The following SGCZ variants were observed in gnomAD, a reference collection of about 807,000 sequenced individuals.
SGCZ encodes the protein zeta-sarcoglycan.
Under a neutral mutation model 41.3 loss-of-function variants are expected in SGCZ, and 40 were observed. That is an observed-to-expected ratio of 0.97 (90% confidence interval 0.75 to 1.26). The LOEUF (loss-of-function observed/expected upper bound fraction) is 1.26, where lower values mean the gene tolerates loss of function less well. SGCZ is among the 50% of genes most tolerant of loss of function. The probability of loss-of-function intolerance (pLI) is 0.00; values close to 1 mark genes in which losing one functional copy is unlikely to be tolerated. For synonymous variants in SGCZ, 206 were observed against 137.5 expected, an observed-to-expected ratio of 1.50 and a Z score of -3.49; for missense variants, 552 against 369.8, an observed-to-expected ratio of 1.49 and a Z score of -4.04.
chr8:15,237,655 G>C lies in SGCZ; in HGVS notation c.-32C>G, dbSNP rs767593799. The C allele has an allele frequency of 1.9e-6, 3 of 1,570,702 alleles. No homozygotes were observed. Among genetic ancestry groups the C allele is most frequent in the African/African-American group, 1.4e-5 (1 of 74,004 alleles). On this transcript the variant is annotated 5_prime_UTR_variant, in exon 1 of 8. Transcript: ENST00000382080. ...CAACTAAACGAAGTGGAGAGGAACC[G>C]GGCGAGTGGCACCCAAAAACAATCT...
At chr8:14,496,042 G>C (rs1173378333) in intron 2 of SGCZ, among the ~76,000 whole-genome samples, 1 of 152,042 alleles carries the variant, frequency 6.6e-6, no homozygotes, top group African/African-American at 2.4e-5. Flanking sequence ...AAATTGGAAA[G>C]ATCGTGTGGT....
intron 2 of SGCZ, among the ~76,000 whole-genome samples, chr8:14,429,499 C>G (rs937053878): frequency 6.6e-6 from 1 of 152,192 alleles, no homozygotes; most frequent in Non-Finnish European, 1.5e-5. Context: ...AAGAGTCAAC[C>G]AGATCACATA....
intron 1 of SGCZ, among the ~76,000 whole-genome samples, chr8:14,802,971 T>G (rs1008877350): frequency 2.0e-5 from 3 of 152,202 alleles, no homozygotes; most frequent in African/African-American, 7.2e-5. Flanking sequence ...TGTTTGTAGA[T>G]AGCAGACAGC....
chr8:15,031,546 A>G (rs954260040), intron 1 of SGCZ, among the ~76,000 whole-genome samples: 1 of 152,188 alleles, frequency 6.6e-6, no homozygotes, highest in Admixed American at 6.5e-5. Context: ...CAATCCTCAC[A>G]ACAACCCTGT....
intron 2 of SGCZ, among the ~76,000 whole-genome samples, chr8:14,409,028 C>G (rs1417204711): frequency 6.6e-6 from 1 of 150,956 alleles, no homozygotes; most frequent in African/African-American, 2.4e-5. Context: ...ACTAGGTTTT[C>G]AGTTCCAGGA....
At chr8:14,767,839 A>T (rs572286622) in intron 1 of SGCZ, among the ~76,000 whole-genome samples, 1 of 152,322 alleles carries the variant, frequency 6.6e-6, no homozygotes, top group African/African-American at 2.4e-5. Flanking sequence ...ACTCAATTTA[A>T]TTCATATTTA....
chr8:14,680,615 G>A (rs1426070687), intron 1 of SGCZ, among the ~76,000 whole-genome samples: 1 of 151,278 alleles, frequency 6.6e-6, no homozygotes, highest in South Asian at 2.1e-4. Flanking sequence ...TAAATACACT[G>A]CATATATTCC....
intron 1 of SGCZ, among the ~76,000 whole-genome samples, chr8:15,190,127 G>A (rs1800484894): frequency 6.6e-6 from 1 of 152,100 alleles, no homozygotes; most frequent in Admixed American, 6.5e-5. Context: ...TGCTTTACCT[G>A]AAATTCTCCT....
rs145189697 is a variant in SGCZ, at chr8:14,523,278, T to C, written c.234+31454A>G. Among the ~76,000 whole-genome samples, 43 of 152,134 alleles carry C rather than the reference T, an allele frequency of 2.8e-4. No homozygotes were observed. In the East Asian group the frequency reaches 7.5e-3, roughly 27 times the overall value. On this transcript the variant is annotated intron_variant, in intron 2 of 7. Transcript: ENST00000382080. ...ACAGTGTTCATTCTTACTCTTGATA[T>C]TTTCATTTCCCTTTTATTATTTTAT... is the stretch of plus-strand genomic sequence containing the variant.
At chr8:14,187,518 T>C (rs1804944664) in intron 4 of SGCZ, among the ~76,000 whole-genome samples, 1 of 151,998 alleles carries the variant, frequency 6.6e-6, no homozygotes, top group Non-Finnish European at 1.5e-5. Context: ...TCAACAAAGA[T>C]ATAGGAATTA....
At chr8:14,396,043 A>T (rs1238743788) in intron 2 of SGCZ, among the ~76,000 whole-genome samples, 1 of 152,128 alleles carries the variant, frequency 6.6e-6, no homozygotes, top group Non-Finnish European at 1.5e-5. Flanking sequence ...TACAAAAGAA[A>T]TCATTTTTAA....
At chr8:14,246,364 C>T (rs1387437290) in intron 3 of SGCZ, among the ~76,000 whole-genome samples, 26 of 151,548 alleles carry the variant, frequency 1.7e-4, no homozygotes, top group Admixed American at 1.7e-3. Context: ...CCAATCACTG[C>T]ATGTTCTCAC....
At chr8:14,156,158 A>G (rs1803869628) in intron 5 of SGCZ, among the ~76,000 whole-genome samples, 1 of 152,110 alleles carries the variant, frequency 6.6e-6, no homozygotes, top group Non-Finnish European at 1.5e-5. Flanking sequence ...CATAGAGGCG[A>G]CGCTGAATTT....
chr8:14,854,021 T>TTATATTTA (rs1554512086), intron 1 of SGCZ, among the ~76,000 whole-genome samples: 1 of 107,672 alleles, frequency 9.3e-6, no homozygotes, highest in East Asian at 2.9e-4. Context: ...TGTGATTATA[T>TTATATTTA]TATATATATA....
chr8:14,312,615 G>A (rs1244717460), intron 3 of SGCZ, among the ~76,000 whole-genome samples: 1 of 151,774 alleles, frequency 6.6e-6, no homozygotes, highest in African/African-American at 2.4e-5. Flanking sequence ...AGACAACATA[G>A]CTAGACTCTG....
chr8:14,777,483 G>T (rs1469639423), intron 1 of SGCZ, among the ~76,000 whole-genome samples: 1 of 152,154 alleles, frequency 6.6e-6, no homozygotes, highest in Non-Finnish European at 1.5e-5. Context: ...AATATCTTTA[G>T]TAGAAATCCA....
chr8:14,991,819 C>T (rs1292290749), intron 1 of SGCZ, among the ~76,000 whole-genome samples: 1 of 151,086 alleles, frequency 6.6e-6, no homozygotes, highest in African/African-American at 2.4e-5. Flanking sequence ...ACCTCTCACC[C>T]ATCGTCCTCA....
At position 14,795,428 on chromosome 8, in the gene SGCZ, G is replaced by T. The variant is rs575412661; in HGVS notation, c.40-240502C>A. ...TGAGTAAATATATTCATACTTTGGG[G>T]TTTTTTTTTCATTTGTTTGTTTTTG... is the stretch of plus-strand genomic sequence containing the variant. On this transcript the variant is annotated intron_variant, in intron 1 of 7. Coordinates refer to ENST00000382080, the MANE Select transcript of SGCZ (RefSeq NM_139167.4). Among the ~76,000 whole-genome samples, 1,064 of 150,896 alleles carry T rather than the reference G, an allele frequency of 7.1e-3. 14 individuals are homozygous for T. The highest frequency in any genetic ancestry group is 0.024 in the African/African-American group (983 of 41,004).
chr8:15,007,791 T>C (rs1802657497), intron 1 of SGCZ, among the ~76,000 whole-genome samples: 1 of 152,172 alleles, frequency 6.6e-6, no homozygotes, highest in Non-Finnish European at 1.5e-5. Context: ...CTGTGTAAAA[T>C]AGATAGCAGC....
Sources: gnomAD v4.1 joint callset for allele counts (sites outside exome capture counted in the v4.1 genomes callset) on GRCh38, gnomAD v4.1.1 for gene constraint, MANE v1.5 for transcripts, NCBI Gene and HGNC (gene_info 2026-07-23, HGNC 2026-07-21) for gene names.